Variants in MFSD2B observed in about 807,000 individuals in gnomAD.
MFSD2B encodes the protein MFSD2 lysolipid transporter B, sphingolipid, also known as sphingosine-1-phosphate transporter MFSD2B.
A neutral mutation model predicts 58.4 loss-of-function variants in MFSD2B; 56 were observed. The ratio of observed to expected loss-of-function variants is 0.96; its 90% CI spans 0.77 to 1.20. MFSD2B has a LOEUF of 1.20. Among genes scored for constraint, MFSD2B ranks in the 50% most tolerant of loss-of-function variants. The probability of loss-of-function intolerance (pLI) is 0.00; values close to 1 mark genes in which losing one functional copy is unlikely to be tolerated. For missense variants in MFSD2B, 645 were observed against 667.6 expected, an observed-to-expected ratio of 0.97 and a Z score of 0.37; for synonymous variants, 287 against 294.4, an observed-to-expected ratio of 0.97 and a Z score of 0.26.
In MFSD2B at chr2:24,012,171, C is replaced by CA. The variant is rs1443927608; in HGVS notation, c.97-1113dup. 2.6e-3 allele frequency among the ~76,000 whole-genome samples: 75 copies of CA among 28,456 alleles called. No homozygotes were observed. The highest frequency in any genetic ancestry group is 6.3e-3 in the South Asian group (3 of 474). 18.7% of individuals were successfully genotyped at this position (28,456 alleles called of 152,430 possible). Reference sequence around the variant, plus strand: ...AACAAAACACACACACACACACACACACACACACAAAAACAGACAAAAAAA... The same window carrying CA: ...AACAAAACACACACACACACACACACAACACACACAAAAACAGACAAAAAAA... On this transcript the variant is annotated intron_variant, in intron 1 of 13. Coordinates refer to ENST00000338315, the MANE Select transcript of MFSD2B (RefSeq NM_001346880.2). The surrounding 1 kb of genome is among the most constrained non-coding windows in gnomAD (Gnocchi z 4.5).
At chr2:24,016,665 C>T (rs892128526) in intron 3 of MFSD2B, among the ~76,000 whole-genome samples, 180 bp from the exon 4 acceptor site, 1 of 152,222 alleles carries the variant, frequency 6.6e-6, no homozygotes, top group Admixed American at 6.5e-5. Flanking sequence ...AGTGGCCGCC[C>T]ATTCCCCACT....
Position 24,021,877 on chromosome 2 carries a change from C to G in MFSD2B, c.801C>G (p.Gly267=). The change falls in exon 8 of 14, where the codon GGC becomes GGG. Residue 267 remains glycine (G), a synonymous_variant. Coordinates refer to ENST00000338315, the MANE Select transcript of MFSD2B (RefSeq NM_001346880.2). The surrounding 1 kb of genome is among the most constrained non-coding windows in gnomAD (Gnocchi z 5.7). ...CCTCTGCCCCAGCCTCAGGCCCAGG[C>G]TTGAGTTTCCTGGCTGGGCTGAGCC... ...PDPSAPASGP[G]LSFLAGLSLT... 6.2e-7 allele frequency: 1 copy of G among 1,614,012 alleles called. No homozygotes were observed. Among genetic ancestry groups the G allele is most frequent in the Non-Finnish European group, 8.5e-7 (1 of 1,179,884 alleles).
rs371979326 is a variant in MFSD2B, at chr2:24,023,126, C to T, written c.1060-4C>T. ...CGGGACAGCTGGTGTGTGTGTCTCCCCAGGCGATGGTGCCCTTTGCGATCT... is the reference window on the plus strand; with the variant it reads ...CGGGACAGCTGGTGTGTGTGTCTCCTCAGGCGATGGTGCCCTTTGCGATCT... On this transcript the variant is annotated splice_polypyrimidine_tract_variant and splice_region_variant and intron_variant, in intron 10 of 13. Transcript: ENST00000338315. The surrounding 1 kb of genome is among the most constrained non-coding windows in gnomAD (Gnocchi z 5.0). The T allele has an allele frequency of 6.8e-6, 11 of 1,610,034 alleles. No individual in the cohort carries two copies. The highest frequency in any genetic ancestry group is 9.3e-6 in the Non-Finnish European group (11 of 1,178,524).
Position 24,012,174 on chromosome 2 carries a change from ACAC to A in MFSD2B, c.97-1110_97-1108del, listed in dbSNP as rs748959505. On this transcript the variant is annotated intron_variant, in intron 1 of 13. Transcript: ENST00000338315. The surrounding 1 kb of genome is among the most constrained non-coding windows in gnomAD (Gnocchi z 4.5). ...AAAACACACACACACACACACACAC[ACAC>A]ACAAAAACAGACAAAAAAACCCTGC... is the stretch of plus-strand genomic sequence containing the variant. 0.013 allele frequency among the ~76,000 whole-genome samples: 569 copies of A among 44,544 alleles called. 4 individuals carry two copies. Among genetic ancestry groups the A allele is most frequent in the Middle Eastern group, 0.042 (3 of 72 alleles). The allele number at this position is 44,544 out of a possible 152,430, so 29.2% of individuals were successfully genotyped here. A position where few individuals can be genotyped will look rare whatever the true frequency, so the allele number is the denominator to read the frequency against.
rs1453232690 is a variant in MFSD2B, at chr2:24,010,089, C to T, written c.-8C>T. 1.4e-6 allele frequency: 2 copies of T among 1,428,204 alleles called. No individual in the cohort carries two copies. The highest frequency in any genetic ancestry group is 1.8e-6 in the Non-Finnish European group (2 of 1,096,916). The allele number at this position is 1,428,204 out of a possible 1,614,324, so 88.5% of individuals were successfully genotyped here. The stretch of plus-strand genomic sequence containing the variant: ...AGGGCAACGGCCGCGGGCGGCGCTG[C>T]GGTGGCAATGGCGGCGCCCCCTGCA... On this transcript the variant is annotated 5_prime_UTR_variant, in exon 1 of 14. Coordinates refer to ENST00000338315, the MANE Select transcript of MFSD2B (RefSeq NM_001346880.2).
At position 24,025,528 on chromosome 2, in the gene MFSD2B, C is replaced by G; in HGVS notation, c.*72C>G. 2 of 1,347,058 alleles carry G rather than the reference C, an allele frequency of 1.5e-6. No homozygotes were observed. The highest frequency in any genetic ancestry group is 2.1e-6 in the Non-Finnish European group (2 of 974,872). 83.4% of individuals were successfully genotyped at this position (1,347,058 alleles called of 1,614,324 possible). A position where few individuals can be genotyped will look rare whatever the true frequency, so the allele number is the denominator to read the frequency against. On this transcript the variant is annotated 3_prime_UTR_variant, in exon 14 of 14. Coordinates refer to ENST00000338315, the MANE Select transcript of MFSD2B (RefSeq NM_001346880.2). ...GGGCCTGACATCGCCCTCCTCAGCC[C>G]TCCAGCACCTGGTCTGGCAGTTTAG...
At position 24,017,269 on chromosome 2, in the gene MFSD2B, CT is replaced by C; in HGVS notation, c.472-16del. ...AGGCAAAGCTGGGGGCGGTTCTAAG[CT>C]CTGCCGACGCCCCAGTTCTTCCAGG... On this transcript the variant is annotated splice_polypyrimidine_tract_variant and intron_variant, in intron 4 of 13. Transcript: ENST00000338315. The surrounding 1 kb of genome is among the most constrained non-coding windows in gnomAD (Gnocchi z 4.8). 6.3e-7 allele frequency: 1 copy of C among 1,582,750 alleles called. No homozygotes were observed. The highest frequency in any genetic ancestry group is 8.6e-7 in the Non-Finnish European group (1 of 1,165,334).
Position 24,023,313 on chromosome 2 carries a change from GC to G in MFSD2B, c.1169+79del. On this transcript the variant is annotated intron_variant, in intron 11 of 13. Transcript: ENST00000338315. The surrounding 1 kb of genome is among the most constrained non-coding windows in gnomAD (Gnocchi z 5.0). ...CCTTCATGTAAACCTGCCGTCCCAG[GC>G]CCCCTGCACCCAGCCTGTGCAGGAG... The G allele has an allele frequency of 7.9e-7, 1 of 1,263,026 alleles. No homozygotes were observed. The highest frequency in any genetic ancestry group is 1.1e-6 in the Non-Finnish European group (1 of 872,480). The allele number at this position is 1,263,026 out of a possible 1,614,324, so 78.2% of individuals were successfully genotyped here. A position where few individuals can be genotyped will look rare whatever the true frequency, so the allele number is the denominator to read the frequency against.
At position 24,022,556 on chromosome 2, in the gene MFSD2B, G is replaced by A. The variant is rs1316440561; in HGVS notation, c.978+40G>A. On this transcript the variant is annotated intron_variant, in intron 9 of 13. Transcript: ENST00000338315. This position sits in a 1 kb window ranked among gnomAD's most constrained non-coding sequence, Gnocchi z 4.5. ...GGTGGTGGAGGCTAGGTCACTTGGG[G>A]CCCTGAGCTGGGGACATGTGTGGTC... 2.6e-6 allele frequency: 4 copies of A among 1,513,852 alleles called. No individual in the cohort carries two copies. The highest frequency in any genetic ancestry group is 3.6e-6 in the Non-Finnish European group (4 of 1,104,178). The allele number at this position is 1,513,852 out of a possible 1,614,324, so 93.8% of individuals were successfully genotyped here. A position where few individuals can be genotyped will look rare whatever the true frequency, so the allele number is the denominator to read the frequency against.
Position 24,011,189 on chromosome 2 carries a change from TCA to T in MFSD2B, c.96+999_96+1000del, listed in dbSNP as rs145747936. On this transcript the variant is annotated intron_variant, in intron 1 of 13. Coordinates refer to ENST00000338315, the MANE Select transcript of MFSD2B (RefSeq NM_001346880.2). ...CCCAAGGGGCTTCTCCTTGTACAGC[TCA>T]CTGTACAGCTGTACCGGGCTTTTAT... 2.8e-3 allele frequency among the ~76,000 whole-genome samples: 426 copies of T among 152,306 alleles called. 2 individuals carry two copies. Among genetic ancestry groups the T allele is most frequent in the Middle Eastern group, 0.017 (5 of 294 alleles).
intron 1 of MFSD2B, 114 bp downstream of exon 1, chr2:24,010,306 G>A: frequency 1.2e-6 from 1 of 813,132 alleles, no homozygotes; most frequent in South Asian, 3.3e-5. Flanking sequence ...GCCCAAACCT[G>A]CCAGCTCAGG....
In MFSD2B at chr2:24,012,170, A is replaced by AC. The variant is rs1553313791; in HGVS notation, c.97-1114dup. On this transcript the variant is annotated intron_variant, in intron 1 of 13. Coordinates refer to ENST00000338315, the MANE Select transcript of MFSD2B (RefSeq NM_001346880.2). This position sits in a 1 kb window ranked among gnomAD's most constrained non-coding sequence, Gnocchi z 4.5. ...AAACAAAACACACACACACACACAC[A>AC]CACACACACAAAAACAGACAAAAAA... Among the ~76,000 whole-genome samples the AC allele has an allele frequency of 7.2e-6, 1 of 139,712 alleles. No homozygotes were observed. The highest frequency in any genetic ancestry group is 1.6e-5 in the Non-Finnish European group (1 of 63,048). 91.7% of individuals were successfully genotyped at this position (139,712 alleles called of 152,430 possible).
chr2:24,010,221 G>T, intron 1 of MFSD2B, 29 bp downstream of exon 1: 1 of 1,349,486 alleles, frequency 7.4e-7, no homozygotes, highest in Non-Finnish European at 9.5e-7. Flanking sequence ...ACCGGGAAGG[G>T]GCTGCGTCCT....
Position 24,023,147 on chromosome 2 carries a change from G to T in MFSD2B, c.1077G>T (p.Ala359=). 1.2e-6 allele frequency: 2 copies of T among 1,612,860 alleles called. No homozygotes were observed. The highest frequency in any genetic ancestry group is 1.7e-5 in the Admixed American group (1 of 60,018). Residue 359 remains alanine (A), a synonymous_variant, in exon 11 of 14, where the codon GCG becomes GCT. Transcript: ENST00000338315. This position sits in a 1 kb window ranked among gnomAD's most constrained non-coding sequence, Gnocchi z 5.0. Reference sequence around the variant, plus strand: ...CTCCCCAGGCGATGGTGCCCTTTGCGATCTTGCTGGCTGCTGTGCCCACAG... The same window carrying T: ...CTCCCCAGGCGATGGTGCCCTTTGCTATCTTGCTGGCTGCTGTGCCCACAG... ...AFGIFAMVPF[A]ILLAAVPTAP...
Position 24,025,430 on chromosome 2 carries a change from AG to A in MFSD2B, c.1491del. On this transcript the variant is annotated splice_acceptor_variant, in intron 13 of 13. Coordinates refer to ENST00000338315, the MANE Select transcript of MFSD2B (RefSeq NM_001346880.2). LOFTEE classifies it high-confidence loss of function. ...CTCCTTGGCTTCCTTCCCTTCCCAC[AG>A]GAGGACCAGCTACAGCCTGGCCTAA... 6.5e-7 allele frequency: 1 copy of A among 1,536,052 alleles called. No homozygotes were observed. The highest frequency in any genetic ancestry group is 8.7e-7 in the Non-Finnish European group (1 of 1,146,858).
rs1662901306 is a variant in MFSD2B at position 24,024,189 on chromosome 2, C to G, written c.1408C>G (p.Leu470Val). The G allele has an allele frequency of 1.9e-6, 3 of 1,613,800 alleles. No homozygotes were observed. The highest frequency in any genetic ancestry group is 1.7e-6 in the Non-Finnish European group (2 of 1,179,820). The change falls in exon 13 of 14, where the codon CTT becomes GTT. Residue 470 changes from leucine (L) to valine (V), a missense_variant. Coordinates refer to ENST00000338315, the MANE Select transcript of MFSD2B (RefSeq NM_001346880.2). The surrounding 1 kb of genome is among the most constrained non-coding windows in gnomAD (Gnocchi z 4.3). ...LIGAVPTCMI[L>V]AGLCILMVGS... ...TGGCGCCGTGCCCACCTGCATGATC[C>G]TTGCTGGGCTCTGCATCCTCATGGT...
At position 24,022,067 on chromosome 2, in the gene MFSD2B, A is replaced by G; in HGVS notation, c.894+97A>G. 7.0e-7 allele frequency: 1 copy of G among 1,422,738 alleles called. No homozygotes were observed. The highest frequency in any genetic ancestry group is 9.8e-7 in the Non-Finnish European group (1 of 1,025,130). The allele number at this position is 1,422,738 out of a possible 1,614,324, so 88.1% of individuals were successfully genotyped here. Reference sequence around the variant, plus strand: ...TCTTGGCTTGAGTTTTATAGGGAGAAACCTGCGGCTGGCACATGGCTCAGA... The same window carrying G: ...TCTTGGCTTGAGTTTTATAGGGAGAGACCTGCGGCTGGCACATGGCTCAGA... On this transcript the variant is annotated intron_variant, in intron 8 of 13. Coordinates refer to ENST00000338315, the MANE Select transcript of MFSD2B (RefSeq NM_001346880.2). This position sits in a 1 kb window ranked among gnomAD's most constrained non-coding sequence, Gnocchi z 4.5.
Position 24,025,873 on chromosome 2 carries a change from G to A in MFSD2B, c.*417G>A, listed in dbSNP as rs190338867. ...CGAGTAGCTGGGACTACAGGTGCCC[G>A]CCACCACGCCCAGCTAATTTTTGTA... On this transcript the variant is annotated 3_prime_UTR_variant, in exon 14 of 14. Coordinates refer to ENST00000338315, the MANE Select transcript of MFSD2B (RefSeq NM_001346880.2). 205 of 167,110 alleles carry A rather than the reference G, an allele frequency of 1.2e-3. No homozygotes were observed. The highest frequency in any genetic ancestry group is 4.4e-3 in the African/African-American group (183 of 42,000). 10.4% of individuals were successfully genotyped at this position (167,110 alleles called of 1,614,324 possible). A position where few individuals can be genotyped will look rare whatever the true frequency, so the allele number is the denominator to read the frequency against.
intron 2 of MFSD2B, 22 bp from the exon 3 acceptor site, chr2:24,016,134 T>C: frequency 6.2e-7 from 1 of 1,612,412 alleles, no homozygotes. Flanking sequence ...CAGCTCTCTA[T>C]CCCCTCCCCT....
Sources: allele counts gnomAD v4.1 joint callset (sites outside exome capture counted in the v4.1 genomes callset), GRCh38; gene constraint gnomAD v4.1.1; non-coding constraint Gnocchi (gnomAD v3.1); transcripts MANE v1.5; gene names NCBI Gene and HGNC (gene_info 2026-07-23, HGNC 2026-07-21).